Variants in MCF2 observed in about 807,000 individuals in gnomAD.
MCF2 encodes the protein MCF.2 cell line derived transforming sequence, also known as proto-oncogene DBL.
A neutral mutation model predicts 82.5 loss-of-function variants in MCF2; 44 were observed. The ratio of observed to expected loss-of-function variants is 0.53; its 90% CI spans 0.42 to 0.69. MCF2 has a LOEUF of 0.69. Among genes scored for constraint, MCF2 ranks in the 30% least tolerant of loss-of-function variants. MCF2 has a pLI of 0.00. For missense variants in MCF2, 623 were observed against 663.1 expected, an observed-to-expected ratio of 0.94 and a Z score of 0.66; for synonymous variants, 217 against 224.9, an observed-to-expected ratio of 0.96 and a Z score of 0.32.
intron 1 of MCF2, among the ~76,000 whole-genome samples, chrX:139,682,754 G>A (rs886694530): frequency 2.7e-5 from 3 of 111,909 alleles, no homozygotes; most frequent in African/African-American, 9.8e-5. Flanking sequence ...CTACACAGAC[G>A]TGCCTGCCAA....
Position 139,609,120 on chromosome X carries a change from T to C in MCF2, c.1401+1181A>G, listed in dbSNP as rs113377689. Among the ~76,000 whole-genome samples, 201 of 112,638 alleles carry C rather than the reference T, an allele frequency of 1.8e-3. 1 individual carries two copies. Among genetic ancestry groups the C allele is most frequent in the African/African-American group, 6.2e-3 (194 of 31,084 alleles). On this transcript the variant is annotated intron_variant, in intron 11 of 24. Coordinates refer to ENST00000370576, the Ensembl canonical transcript of MCF2. ...TCCAGAGAACTTACCCAAGTTTATATAGCCAGTAAGTGATGGAACTGGGAT... is the reference window on the plus strand; with the variant it reads ...TCCAGAGAACTTACCCAAGTTTATACAGCCAGTAAGTGATGGAACTGGGAT...
intron 1 of MCF2, among the ~76,000 whole-genome samples, chrX:139,685,122 C>A (rs896619565): frequency 1.8e-5 from 2 of 111,008 alleles, no homozygotes; most frequent in Non-Finnish European, 3.8e-5. Context: ...CTTATCACTC[C>A]TATTCAACAT....
chrX:139,666,063 G>A (rs1276203390), intron 1 of MCF2, among the ~76,000 whole-genome samples: 6 of 106,117 alleles, frequency 5.7e-5, no homozygotes, highest in Non-Finnish European at 1.2e-4. Flanking sequence ...TATGGAGAAA[G>A]GAGTATGTAT....
In MCF2 at chrX:139,626,636, G is replaced by T. The variant is rs749344161; in HGVS notation, c.559C>A (p.Gln187Lys). 6.6e-6 allele frequency: 8 copies of T among 1,208,011 alleles called. No homozygotes were observed. In the East Asian group the frequency reaches 2.4e-4, roughly 36 times the overall value. The change falls in exon 5 of 25, where the codon CAA becomes AAA. Residue 187 changes from glutamine to lysine, a missense_variant. Physicochemically the swap from Gln to Lys is moderately conservative, Grantham distance 53. Coordinates refer to ENST00000370576, the Ensembl canonical transcript of MCF2. ...GAGAGTACTCACTTATTAATAGTTT[G>T]CCAGTCACCACTTATTTGCCGATGA...
At chrX:139,605,346 G>GT (rs1055505985) in intron 13 of MCF2, among the ~76,000 whole-genome samples, 2 of 110,797 alleles carry the variant, frequency 1.8e-5, no homozygotes, top group African/African-American at 6.6e-5. Flanking sequence ...ACGTGCTTAG[G>GT]TTTTTTCAGA....
rs144406781 is a variant in MCF2 at position 139,687,617 on chromosome X, C to T, written c.-45+20489G>A. Among the ~76,000 whole-genome samples the T allele has an allele frequency of 5.0e-3, 566 of 112,707 alleles. 2 individuals are homozygous for T. Among genetic ancestry groups the T allele is most frequent in the Middle Eastern group, 0.037 (8 of 217 alleles). On this transcript the variant is annotated intron_variant, in intron 1 of 27. Coordinates refer to the MCF2 transcript ENST00000414978. ...TTTAAGAATGAAGTGCCTTCTGGTG[C>T]CAAGCACAGGCATGTCTGAGAAATG...
intron 1 of MCF2, among the ~76,000 whole-genome samples, chrX:139,661,106 C>G (rs1934344667): frequency 9.0e-6 from 1 of 111,365 alleles, no homozygotes; most frequent in Non-Finnish European, 1.9e-5. Flanking sequence ...GTAAGCTGAG[C>G]CTTCAAAATT....
At chrX:139,599,485 T>A (rs530341463) in intron 16 of MCF2, among the ~76,000 whole-genome samples, 9 of 110,142 alleles carry the variant, frequency 8.2e-5, no homozygotes, top group East Asian at 2.9e-4. Context: ...GGATTTCAAG[T>A]TGGTGGAGGA....
intron 19 of MCF2, among the ~76,000 whole-genome samples, chrX:139,594,562 T>C (rs1429894236): frequency 1.8e-5 from 2 of 111,142 alleles, no homozygotes; most frequent in Non-Finnish European, 3.8e-5. Flanking sequence ...TTACACCTTA[T>C]ACAAAAATTA....
At chrX:139,664,501 A>C (rs1231985397) in intron 1 of MCF2, among the ~76,000 whole-genome samples, 1 of 111,155 alleles carries the variant, frequency 9.0e-6, no homozygotes, top group Non-Finnish European at 1.9e-5. Context: ...CATTCACTTA[A>C]GGCCCAAGGG....
intron 1 of MCF2, among the ~76,000 whole-genome samples, chrX:139,641,201 T>G (rs1032071874): frequency 3.7e-5 from 4 of 107,128 alleles, no homozygotes; most frequent in Non-Finnish European, 7.7e-5. Context: ...TATAAATATA[T>G]GTATATATAT....
intron 1 of MCF2, among the ~76,000 whole-genome samples, chrX:139,634,794 G>A (rs1377053174): frequency 9.0e-6 from 1 of 111,303 alleles, no homozygotes; most frequent in African/African-American, 3.3e-5. Context: ...ATGATTAATA[G>A]TGATTAGAAG....
rs958282826 is a variant in MCF2, at chrX:139,583,733, A to G, written c.2746-1230T>C. 8.9e-5 allele frequency among the ~76,000 whole-genome samples: 10 copies of G among 111,984 alleles called. No homozygotes were observed. The South Asian group carries it at 1.5e-3, about 17-fold the overall frequency. Reference sequence around the variant, plus strand: ...ATTCCCATGTAACAAAACCTTACACATGTACCTCCTGAATCTAAAATAAAA... The same window carrying G: ...ATTCCCATGTAACAAAACCTTACACGTGTACCTCCTGAATCTAAAATAAAA... On this transcript the variant is annotated intron_variant, in intron 24 of 24. Transcript: ENST00000370576.
At chrX:139,652,576 C>T (rs1486042035) in intron 1 of MCF2, among the ~76,000 whole-genome samples, 1 of 111,833 alleles carries the variant, frequency 8.9e-6, no homozygotes, top group Admixed American at 9.5e-5. Context: ...TTACAATGTT[C>T]AATTCTAGTG....
At chrX:139,582,234 T>A in exon 25 of MCF2, 1 of 413,674 alleles carries the variant, frequency 2.4e-6, no homozygotes, top group East Asian at 4.0e-5. Context: ...GAGATGAGAA[T>A]CTTTCAAGCA....
chrX:139,593,476 A>G (rs1480651438), intron 19 of MCF2, among the ~76,000 whole-genome samples: 1 of 111,091 alleles, frequency 9.0e-6, no homozygotes, highest in Non-Finnish European at 1.9e-5. Context: ...AACTGGTACC[A>G]TTCCTTCTGA....
intron 1 of MCF2, among the ~76,000 whole-genome samples, chrX:139,638,215 C>A (rs1410642926): frequency 9.0e-6 from 1 of 111,483 alleles, no homozygotes; most frequent in Non-Finnish European, 1.9e-5. Context: ...ACATAAGTAG[C>A]AGAATTAAAA....
At chrX:139,617,612 G>A (rs1932015401) in exon 8 of MCF2, 1 of 1,204,049 alleles carries the variant, frequency 8.3e-7, no homozygotes, top group Non-Finnish European at 1.1e-6. Context: ...GTAGCTCATT[G>A]CACCTCTGGC....
intron 1 of MCF2, among the ~76,000 whole-genome samples, chrX:139,675,446 C>G (rs957423265): frequency 2.7e-5 from 3 of 112,334 alleles, no homozygotes; most frequent in African/African-American, 9.7e-5. Context: ...TTTTATCTAC[C>G]TTTAGTCTTT....
Sources: allele counts gnomAD v4.1 joint callset (sites outside exome capture counted in the v4.1 genomes callset), GRCh38; gene constraint gnomAD v4.1.1; transcripts MANE v1.5; gene names NCBI Gene and HGNC (gene_info 2026-07-23, HGNC 2026-07-21).